XG: variants seen among roughly 807,000 people sequenced by gnomAD.
The protein encoded by XG is Xg glycoprotein (Xg blood group), also known as glycoprotein Xg.
In XG, 24 loss-of-function variants were observed where a neutral mutation model predicts 25.7. That is an observed-to-expected ratio of 0.93 (90% CI 0.68 to 1.31). The LOEUF is 1.31. XG is among the 40% of genes most tolerant of loss of function. XG has a pLI of 0.00. For missense variants in XG, 181 were observed against 187.6 expected (o/e 0.96, Z 0.21); for synonymous variants, 77 against 69.2 (o/e 1.11, Z -0.56).
chrX:2,776,105 C>A (rs1195586591), intron 3 of XG, among the ~76,000 whole-genome samples: 1 of 151,362 alleles, frequency 6.6e-6, no homozygotes, highest in Admixed American at 6.6e-5. Context: ...CTGGCTAACA[C>A]GGTATGTTGT....
At chrX:2,802,613 G>A (rs1309221091) in intron 7 of XG, among the ~76,000 whole-genome samples, 4 of 109,722 alleles carry the variant, frequency 3.6e-5, no homozygotes, top group Non-Finnish European at 7.6e-5. Context: ...TCTTTTTGTT[G>A]TCTTCTGTTC....
At chrX:2,798,888 CTT>C (rs1254883670) in intron 7 of XG, among the ~76,000 whole-genome samples, 3 of 100,930 alleles carry the variant, frequency 3.0e-5, no homozygotes. Flanking sequence ...CTTTTTCTTT[CTT>C]TTTTTTTTTT....
chrX:2,752,933 T>C, intron 1 of XG: 1 of 985,438 alleles, frequency 1.0e-6, no homozygotes, highest in Non-Finnish European at 1.2e-6. Flanking sequence ...GATTTTTCAG[T>C]TCCGTACGAG....
chrX:2,794,823 G>C (rs2086869366), intron 6 of XG, among the ~76,000 whole-genome samples: 1 of 112,073 alleles, frequency 8.9e-6, no homozygotes, highest in Non-Finnish European at 1.9e-5. Flanking sequence ...GGACTGGATG[G>C]AAACAAAATG....
chrX:2,759,456 G>T (rs2050514250), intron 1 of XG, among the ~76,000 whole-genome samples: 1 of 152,182 alleles, frequency 6.6e-6, no homozygotes, highest in Non-Finnish European at 1.5e-5. Flanking sequence ...ATAGTTGTCT[G>T]GGCATTTCTA....
At chrX:2,784,006 A>AAACC (rs1569038647) in intron 4 of XG, among the ~76,000 whole-genome samples, 51 of 107,273 alleles carry the variant, frequency 4.8e-4, no homozygotes, top group African/African-American at 1.3e-3. Flanking sequence ...CAAACCAAAC[A>AAACC]AAACAAAACC....
rs1168303462 is a variant in XG, at chrX:2,795,997, T to C, written c.323-1313T>C. On this transcript the variant is annotated intron_variant, in intron 6 of 10. Transcript: ENST00000644266. ...AATGTATCTTTATATATATCTTTAA[T>C]ATATCTTTATATACATGTACATTTT... 6.4e-5 allele frequency among the ~76,000 whole-genome samples: 7 copies of C among 109,155 alleles called. No individual in the cohort carries two copies. In the East Asian group the frequency reaches 1.7e-3, roughly 26 times the overall value. The allele number at this position is 109,155 out of a possible 115,157, so 94.8% of individuals were successfully genotyped here.
chrX:2,793,045 G>T (rs1006280383), intron 5 of XG, among the ~76,000 whole-genome samples: 2 of 109,844 alleles, frequency 1.8e-5, no homozygotes, highest in African/African-American at 6.6e-5. Context: ...GACTACAGGC[G>T]CACACCACCA....
intron 3 of XG, among the ~76,000 whole-genome samples, chrX:2,777,550 G>A (rs1223940060): frequency 2.6e-5 from 4 of 152,090 alleles, no homozygotes; most frequent in African/African-American, 9.6e-5. Flanking sequence ...CTGAGATTGC[G>A]CCACTGCACT....
At chrX:2,795,865 C>G (rs2086880943) in intron 6 of XG, among the ~76,000 whole-genome samples, 1 of 110,220 alleles carries the variant, frequency 9.1e-6, no homozygotes, top group South Asian at 3.8e-4. Flanking sequence ...ACCATTTTGG[C>G]CAGGCTGGTC....
intron 9 of XG, 159 bp downstream of exon 9, chrX:2,808,379 C>G (rs1013678289): frequency 2.7e-5 from 22 of 821,499 alleles, no homozygotes; most frequent in Middle Eastern, 3.5e-4. Flanking sequence ...ATAAAAATAT[C>G]TGACCTTCAG....
At chrX:2,785,801 C>T (rs1389995435) in intron 4 of XG, among the ~76,000 whole-genome samples, 1 of 111,328 alleles carries the variant, frequency 9.0e-6, no homozygotes, top group Non-Finnish European at 1.9e-5. Context: ...CGAGGAAGAG[C>T]CCTAGAAAAC....
chrX:2,784,238 G>A (rs939191244), intron 4 of XG, among the ~76,000 whole-genome samples: 8 of 110,886 alleles, frequency 7.2e-5, no homozygotes, highest in Non-Finnish European at 7.5e-5. Context: ...CTTGGGAAAC[G>A]CCCAGTTAAA....
intron 5 of XG, among the ~76,000 whole-genome samples, chrX:2,793,787 C>T (rs2086858182): frequency 9.0e-6 from 1 of 111,264 alleles, no homozygotes; most frequent in Non-Finnish European, 1.9e-5. Context: ...ATCGTGGGGA[C>T]CTGAGAAGCT....
At chrX:2,753,193 C>T (rs1223342467) in intron 1 of XG, among the ~76,000 whole-genome samples, 3 of 152,084 alleles carry the variant, frequency 2.0e-5, no homozygotes, top group Admixed American at 6.5e-5. Flanking sequence ...TGGGCGGAGG[C>T]GGTGTCGGGA....
At position 2,781,466 on chromosome X, in the gene XG, T is replaced by C. The variant is rs778999298; in HGVS notation, c.128-600T>C. 3.4e-4 allele frequency among the ~76,000 whole-genome samples: 51 copies of C among 149,408 alleles called. 3 individuals carry two copies. Among genetic ancestry groups the C allele is most frequent in the Non-Finnish European group, 7.0e-4 (47 of 67,594 alleles). On this transcript the variant is annotated intron_variant, in intron 3 of 10. Transcript: ENST00000644266. ...TCAGGACTCAGACCTTAGTTATAGA[T>C]TAAAAGAAGTTAATCACTTATGTCT...
chrX:2,759,346 G>A (rs1451732009), intron 1 of XG, among the ~76,000 whole-genome samples: 22 of 152,334 alleles, frequency 1.4e-4, no homozygotes, highest in African/African-American at 3.8e-4. Context: ...AAGGGGACAG[G>A]TTGGAAATGT....
At position 2,811,498 on chromosome X, in the gene XG, T is replaced by TC. The variant is rs754614820; in HGVS notation, c.571+46_571+47insC. 3.7e-4 allele frequency: 334 copies of TC among 906,078 alleles called. 1 individual carries two copies. The African/African-American group carries it at 7.2e-3, about 20-fold the overall frequency. The allele number at this position is 906,078 out of a possible 1,213,427, so 74.7% of individuals were successfully genotyped here. On this transcript the variant is annotated intron_variant, in intron 10 of 10. Coordinates refer to ENST00000644266, the MANE Select transcript of XG (RefSeq NM_001141919.2). ...TGTTTTGCTTGTTACTAAGCCTGAT[T>TC]TAAAAAAAAAAATTACTTTCAGATG...
intron 1 of XG, among the ~76,000 whole-genome samples, chrX:2,761,262 GAC>G (rs2050559401): frequency 6.6e-6 from 1 of 152,146 alleles, no homozygotes; most frequent in South Asian, 2.1e-4. Flanking sequence ...TAAGGACACA[GAC>G]ACACACAGAG....
Sources: gnomAD v4.1 joint callset for allele counts (sites outside exome capture counted in the v4.1 genomes callset) on GRCh38, gnomAD v4.1.1 for gene constraint, MANE v1.5 for transcripts, NCBI Gene and HGNC (gene_info 2026-07-23, HGNC 2026-07-21) for gene names.